The following MAP3K14 variants were observed in gnomAD, a reference collection of about 807,000 sequenced individuals.
MAP3K14 encodes the protein mitogen-activated protein kinase kinase kinase 14, also known as NF-kappa-beta-inducing kinase.
Under a neutral mutation model 99.2 loss-of-function variants are expected in MAP3K14, and 16 were observed. That is an observed-to-expected ratio of 0.16 (90% CI 0.11 to 0.24). The LOEUF (loss-of-function observed/expected upper bound fraction) is 0.24. Among genes scored for constraint, MAP3K14 ranks in the 10% least tolerant of loss-of-function variants. MAP3K14 has a pLI of 1.00. For synonymous variants in MAP3K14, 462 were observed against 492.4 expected, an observed-to-expected ratio of 0.94 and a Z score of 0.82; for missense variants, 784 against 1,208.7, an observed-to-expected ratio of 0.65 and a Z score of 5.21.
At chr17:45,292,538 G>C (rs3760357) in intron 1 of MAP3K14, among the ~76,000 whole-genome samples, 16,266 of 152,218 alleles carry the variant, frequency 0.11, 960 homozygotes, top group Admixed American at 0.15. Context: ...TCTCCAGCCT[G>C]AGTGACAGAA....
intron 6 of MAP3K14, among the ~76,000 whole-genome samples, chr17:45,283,424 G>A (rs2044239530): frequency 6.6e-6 from 1 of 152,216 alleles, no homozygotes. Context: ...TTTCGTATTC[G>A]ACACAGTGTG....
Position 45,287,157 on chromosome 17 carries a change from C to T in MAP3K14, c.534G>A (p.Val178=). The change falls in exon 4 of 16, where the codon GTG becomes GTA. Residue 178 remains valine, a synonymous_variant. Transcript: ENST00000344686. ...TPEQESCTIP[V]QEDESPLGAP... is the part of the protein sequence containing the mutation. Reference sequence around the variant, plus strand: ...GGCAGTGGGTGGAGGGTCTCACCTGCACTGGGATGGTGCAGCTCTCCTGCT... The same window carrying T: ...GGCAGTGGGTGGAGGGTCTCACCTGTACTGGGATGGTGCAGCTCTCCTGCT... 1 of 1,613,248 alleles carries T rather than the reference C, an allele frequency of 6.2e-7. No homozygotes were observed. Among genetic ancestry groups the T allele is most frequent in the Non-Finnish European group, 8.5e-7 (1 of 1,179,474 alleles).
intron 1 of MAP3K14, among the ~76,000 whole-genome samples, chr17:45,316,634 G>C (rs1368912986): frequency 6.6e-6 from 1 of 152,186 alleles, no homozygotes; most frequent in Non-Finnish European, 1.5e-5. Flanking sequence ...CAGAGCAGGC[G>C]GGCGGGCCTG....
intron 9 of MAP3K14, 133 bp from the exon 10 acceptor site, chr17:45,271,354 T>C: frequency 1.3e-6 from 1 of 790,528 alleles, no homozygotes; most frequent in Non-Finnish European, 1.9e-6. Flanking sequence ...TATTATCTTT[T>C]TAGTTCTTTG....
intron 1 of MAP3K14, among the ~76,000 whole-genome samples, chr17:45,300,134 G>A (rs2044374944): frequency 6.6e-6 from 1 of 152,168 alleles, no homozygotes; most frequent in African/African-American, 2.4e-5. Context: ...AGGTCAAACT[G>A]CAGGGTAAAT....
At chr17:45,273,708 G>T in intron 8 of MAP3K14, 101 bp from the exon 9 acceptor site, 2 of 854,380 alleles carry the variant, frequency 2.3e-6, no homozygotes, top group South Asian at 1.4e-5. Context: ...GTAATTTTCT[G>T]GCTGACCCTA....
intron 9 of MAP3K14, among the ~76,000 whole-genome samples, chr17:45,273,157 G>A (rs1014569394): frequency 1.7e-4 from 26 of 152,272 alleles, no homozygotes; most frequent in African/African-American, 6.3e-4. Context: ...GTGCTCAGAG[G>A]CGCAGGAGAG....
At chr17:45,270,969 G>A in intron 10 of MAP3K14, 89 bp downstream of exon 10, 1 of 1,504,538 alleles carries the variant, frequency 6.6e-7, no homozygotes, top group East Asian at 2.4e-5. Flanking sequence ...TGCTCCATCT[G>A]CCACCGCAGA....
At position 45,266,602 on chromosome 17, in the gene MAP3K14, C is replaced by G. The variant is rs371995924; in HGVS notation, c.2513G>C (p.Arg838Pro). Residue 838 changes from arginine to proline, a missense_variant, in exon 14 of 16, where the codon CGA becomes CCA. Physicochemically the swap from Arg to Pro is moderately radical, Grantham distance 103 (BLOSUM62 -2). Coordinates refer to ENST00000344686, the MANE Select transcript of MAP3K14 (RefSeq NM_003954.5). ...VHSWSSQAEA[R>P]SSSWNMVLAR... ...CAGCACCATGTTCCAGCTGGAGCTT[C>G]GAGCCTCGGCCTGGCTGCTCCAGGA... 1 of 1,613,658 alleles carries G rather than the reference C, an allele frequency of 6.2e-7. No homozygotes were observed. Among genetic ancestry groups the G allele is most frequent in the East Asian group, 2.2e-5 (1 of 44,856 alleles).
chr17:45,307,578 G>T (rs1019391711), intron 1 of MAP3K14, among the ~76,000 whole-genome samples: 4 of 152,162 alleles, frequency 2.6e-5, no homozygotes, highest in African/African-American at 7.2e-5. Context: ...GGTGGATTCT[G>T]AGCAAGAAGT....
Position 45,286,952 on chromosome 17 carries a change from T to C in MAP3K14, c.631A>G (p.Lys211Glu). Residue 211 changes from lysine to glutamate, a missense_variant, in exon 5 of 16, where the codon AAG (lysine) becomes GAG (glutamate). By Grantham distance (56) the Lys-to-Glu change is moderately conservative. This residue lies in a region of MAP3K14 where 188 missense variants were observed against 313.0 expected (regional missense o/e 0.60). Coordinates refer to ENST00000344686, the MANE Select transcript of MAP3K14 (RefSeq NM_003954.5). The surrounding 1 kb of genome is among the most constrained non-coding windows in gnomAD (Gnocchi z 4.1). ...GGCCGTAGGCCCTCGCCAAGCTGCT[T>C]AAAACAGAGTTGCCCAAGGCCTGGT... Reference protein sequence around the residue: ...KEPGLGQLCFKQLGEGLRPAL... With the variant: ...KEPGLGQLCFEQLGEGLRPAL... The C allele has an allele frequency of 6.2e-7, 1 of 1,614,026 alleles. No individual in the cohort carries two copies. The highest frequency in any genetic ancestry group is 8.5e-7 in the Non-Finnish European group (1 of 1,179,896).
intron 6 of MAP3K14, among the ~76,000 whole-genome samples, chr17:45,277,144 CTTT>C (rs920459283): frequency 6.6e-6 from 1 of 151,850 alleles, no homozygotes; most frequent in Non-Finnish European, 1.5e-5. Flanking sequence ...GCTTCTTCTT[CTTT>C]TTTTTAATTT....
chr17:45,300,955 C>A (rs1050220789), intron 1 of MAP3K14, among the ~76,000 whole-genome samples: 1 of 151,704 alleles, frequency 6.6e-6, no homozygotes, highest in African/African-American at 2.4e-5. Flanking sequence ...TTGCTTGAGT[C>A]CAGGAGTTTG....
At chr17:45,315,109 A>G (rs2044519433) in intron 1 of MAP3K14, among the ~76,000 whole-genome samples, 1 of 152,174 alleles carries the variant, frequency 6.6e-6, no homozygotes, top group Non-Finnish European at 1.5e-5. Flanking sequence ...CACATATTCC[A>G]GGCAGATCAC....
At chr17:45,282,027 C>T (rs1186280023) in intron 6 of MAP3K14, 4 of 152,148 alleles carry the variant, frequency 2.6e-5, no homozygotes, top group African/African-American at 9.7e-5. Flanking sequence ...AGTCTCCATT[C>T]CCCAGTCCTA....
chr17:45,299,875 A>C (rs1428854474), intron 1 of MAP3K14, among the ~76,000 whole-genome samples: 3 of 152,144 alleles, frequency 2.0e-5, no homozygotes, highest in African/African-American at 7.2e-5. Context: ...GGATCAGTTG[A>C]GGTCAGGAGT....
At chr17:45,281,429 C>T (rs1371636388) in intron 6 of MAP3K14, among the ~76,000 whole-genome samples, 1 of 151,096 alleles carries the variant, frequency 6.6e-6, no homozygotes, top group African/African-American at 2.4e-5. Flanking sequence ...ACTGCAACCT[C>T]TGCCTCCTGG....
At chr17:45,315,537 T>A (rs2044523592) in intron 1 of MAP3K14, among the ~76,000 whole-genome samples, 2 of 152,166 alleles carry the variant, frequency 1.3e-5, no homozygotes, top group African/African-American at 4.8e-5. Flanking sequence ...CCAAAGAAAC[T>A]GATTGATATC....
chr17:45,270,385 G>C (rs1322044817), intron 11 of MAP3K14, 28 bp downstream of exon 11: 1 of 1,601,610 alleles, frequency 6.2e-7, no homozygotes, highest in Non-Finnish European at 8.5e-7. Context: ...TCTGCCCCCC[G>C]GGTCAGCCAG....
Sources: gnomAD v4.1 joint callset for allele counts (sites outside exome capture counted in the v4.1 genomes callset) on GRCh38, gnomAD v4.1.1 for gene constraint, gnomAD v4.1.1 regional missense constraint, Gnocchi (gnomAD v3.1) non-coding constraint, MANE v1.5 for transcripts, NCBI Gene and HGNC (gene_info 2026-07-23, HGNC 2026-07-21) for gene names.